Variants in CNTNAP2 observed in about 807,000 individuals in gnomAD.
CNTNAP2 encodes contactin associated protein 2, also known as contactin-associated protein-like 2.
A neutral mutation model predicts 155.2 loss-of-function variants in CNTNAP2; 98 were observed. The ratio of observed to expected loss-of-function variants is 0.63; its 90% CI spans 0.54 to 0.75. The LOEUF (loss-of-function observed/expected upper bound fraction) is 0.75, where lower values mean the gene tolerates loss of function less well. Ranked by LOEUF, CNTNAP2 falls within the 30% of genes least tolerant of loss-of-function variation. The pLI is 0.00. For synonymous variants in CNTNAP2, 651 were observed against 631.2 expected (o/e 1.03, Z -0.47); for missense variants, 1,727 against 1,688.1 (o/e 1.02, Z -0.40).
chr7:146,890,538 A>C (rs1795753904), intron 3 of CNTNAP2, among the ~76,000 whole-genome samples: 1 of 152,220 alleles, frequency 6.6e-6, no homozygotes, highest in African/African-American at 2.4e-5. Context: ...TCTATCAAAC[A>C]AACCACATCT....
At chr7:146,585,502 T>G (rs2129148542) in intron 1 of CNTNAP2, among the ~76,000 whole-genome samples, 1 of 152,238 alleles carries the variant, frequency 6.6e-6, no homozygotes, top group Non-Finnish European at 1.5e-5. Flanking sequence ...AATGAAAAAC[T>G]TGTGCAAATG....
At chr7:148,107,795 CA>C (rs1335776567) in intron 15 of CNTNAP2, among the ~76,000 whole-genome samples, 2 of 152,178 alleles carry the variant, frequency 1.3e-5, no homozygotes, top group Admixed American at 6.5e-5. Flanking sequence ...TAATAATTTT[CA>C]GAGTAATTAG....
intron 22 of CNTNAP2, chr7:148,389,911 C>A (rs1325602709): frequency 6.6e-6 from 1 of 152,148 alleles, no homozygotes; most frequent in Non-Finnish European, 1.5e-5. Flanking sequence ...TACTAAACCC[C>A]TGACGGACCA....
chr7:147,242,527 G>T (rs576324803), intron 8 of CNTNAP2, among the ~76,000 whole-genome samples: 7 of 152,106 alleles, frequency 4.6e-5, no homozygotes, highest in Admixed American at 6.5e-5. Context: ...CATTTGGCTG[G>T]TAGATTCTCT....
At chr7:147,467,687 C>A (rs529838487) in intron 10 of CNTNAP2, among the ~76,000 whole-genome samples, 1 of 152,102 alleles carries the variant, frequency 6.6e-6, no homozygotes, top group Admixed American at 6.6e-5. Flanking sequence ...ATGACTGACA[C>A]GATATTATAT....
At chr7:148,182,211 CTCTT>C (rs1795050608) in intron 18 of CNTNAP2, among the ~76,000 whole-genome samples, 1 of 152,168 alleles carries the variant, frequency 6.6e-6, no homozygotes, top group African/African-American at 2.4e-5. Flanking sequence ...AGAAATAACA[CTCTT>C]TATCTTTTCC....
At chr7:146,511,420 G>A (rs1797464366) in intron 1 of CNTNAP2, among the ~76,000 whole-genome samples, 4 of 152,140 alleles carry the variant, frequency 2.6e-5, no homozygotes, top group Admixed American at 2.6e-4. Flanking sequence ...CAATAGCTAT[G>A]GGTTTGTCAC....
intron 1 of CNTNAP2, among the ~76,000 whole-genome samples, chr7:146,181,618 C>CT (rs888133578): frequency 3.9e-5 from 6 of 151,992 alleles, no homozygotes; most frequent in Non-Finnish European, 8.8e-5. Context: ...AAAGACTTCA[C>CT]TTTTTTACTG....
chr7:146,964,669 T>C (rs79718552), intron 3 of CNTNAP2, among the ~76,000 whole-genome samples: 12 of 152,208 alleles, frequency 7.9e-5, no homozygotes, highest in Admixed American at 7.9e-4. Flanking sequence ...TTTGAACAAA[T>C]GTTTCCTGAA....
intron 11 of CNTNAP2, among the ~76,000 whole-genome samples, chr7:147,522,170 C>T (rs1316534685): frequency 1.3e-5 from 2 of 152,186 alleles, no homozygotes; most frequent in Non-Finnish European, 2.9e-5. Flanking sequence ...GGGCTCTGCC[C>T]TCATGGCCTA....
intron 10 of CNTNAP2, among the ~76,000 whole-genome samples, chr7:147,453,020 GAA>G (rs1797859812): frequency 6.6e-6 from 1 of 151,902 alleles, no homozygotes; most frequent in Non-Finnish European, 1.5e-5. Context: ...AGAAAAAAGA[GAA>G]AGGGAAAAAG....
intron 12 of CNTNAP2, among the ~76,000 whole-genome samples, chr7:147,634,736 G>C (rs1307282965): frequency 3.3e-5 from 5 of 152,086 alleles, no homozygotes; most frequent in African/African-American, 1.2e-4. Context: ...TTTTATTGAA[G>C]AATAGTATAT....
intron 1 of CNTNAP2, among the ~76,000 whole-genome samples, chr7:146,538,330 A>C (rs1797901148): frequency 6.6e-6 from 1 of 152,100 alleles, no homozygotes; most frequent in Admixed American, 6.6e-5. Flanking sequence ...AAGTTACATA[A>C]AGCAGCTGTG....
At chr7:148,392,222 C>T (rs918454986) in intron 22 of CNTNAP2, among the ~76,000 whole-genome samples, 2 of 152,104 alleles carry the variant, frequency 1.3e-5, no homozygotes, top group South Asian at 4.1e-4. Flanking sequence ...TACAGGCACG[C>T]ACCACCACAC....
chr7:147,870,208 C>A (rs1206501296), intron 13 of CNTNAP2, among the ~76,000 whole-genome samples: 2 of 151,982 alleles, frequency 1.3e-5, no homozygotes, highest in Non-Finnish European at 2.9e-5. Context: ...GTTGCAGGAG[C>A]CTAACTGAGA....
At chr7:146,920,784 T>C (rs1796483449) in intron 3 of CNTNAP2, among the ~76,000 whole-genome samples, 2 of 152,212 alleles carry the variant, frequency 1.3e-5, no homozygotes, top group Admixed American at 6.5e-5. Flanking sequence ...CAGACTAAAT[T>C]TTGTTTAAGT....
chr7:146,234,979 A>G (rs150458322), intron 1 of CNTNAP2, among the ~76,000 whole-genome samples: 2 of 152,278 alleles, frequency 1.3e-5, no homozygotes, highest in East Asian at 1.9e-4. Context: ...TCCGTACACA[A>G]TAAGCATTTG....
At chr7:146,707,030 TGA>T (rs1800977904) in intron 1 of CNTNAP2, among the ~76,000 whole-genome samples, 1 of 152,128 alleles carries the variant, frequency 6.6e-6, no homozygotes, top group Admixed American at 6.6e-5. Context: ...ACTTTGGCAG[TGA>T]AAATTAGCCA....
intron 2 of CNTNAP2, among the ~76,000 whole-genome samples, chr7:146,838,606 C>T (rs2129200211): frequency 7.3e-6 from 1 of 136,450 alleles, no homozygotes; most frequent in Non-Finnish European, 1.5e-5. Context: ...GCGTGAGCCA[C>T]TGAGCCCAGT....
Sources: gnomAD v4.1 joint callset for allele counts (sites outside exome capture counted in the v4.1 genomes callset) on GRCh38, gnomAD v4.1.1 for gene constraint, MANE v1.5 for transcripts, NCBI Gene and HGNC (gene_info 2026-07-23, HGNC 2026-07-21) for gene names.